TMC1: variants seen among roughly 807,000 people sequenced by gnomAD.
TMC1 encodes the protein transmembrane channel like 1, also known as transmembrane channel-like protein 1.
A neutral mutation model predicts 105.8 loss-of-function variants in TMC1; 84 were observed. The ratio of observed to expected loss-of-function variants is 0.79; its 90% confidence interval spans 0.67 to 0.95. TMC1 has a LOEUF of 0.95. Ranked by LOEUF, TMC1 falls within the 40% of genes least tolerant of loss-of-function variation. TMC1 has a pLI of 0.00. For synonymous variants in TMC1, 315 were observed against 311.5 expected, an observed-to-expected ratio of 1.01 and a Z score of -0.12; for missense variants, 817 against 914.1, an observed-to-expected ratio of 0.89 and a Z score of 1.37.
intron 8 of TMC1, among the ~76,000 whole-genome samples, chr9:72,720,358 A>G (rs1306527270): frequency 6.6e-6 from 1 of 152,232 alleles, no homozygotes; most frequent in Non-Finnish European, 1.5e-5. Flanking sequence ...TATTTAAAGC[A>G]CAGTGAGAAG....
At chr9:72,696,806 T>C (rs1826558992) in intron 7 of TMC1, among the ~76,000 whole-genome samples, 1 of 152,204 alleles carries the variant, frequency 6.6e-6, no homozygotes, top group South Asian at 2.1e-4. Flanking sequence ...CAGCATATTA[T>C]GCCTTCTTCT....
intron 23 of TMC1, among the ~76,000 whole-genome samples, chr9:72,834,256 T>G (rs1344684493): frequency 6.6e-6 from 1 of 152,210 alleles, no homozygotes; most frequent in African/African-American, 2.4e-5. Context: ...TTGTTTTGTC[T>G]TTATGAGAAT....
At chr9:72,706,965 G>A (rs1826752723) in intron 8 of TMC1, among the ~76,000 whole-genome samples, 1 of 152,000 alleles carries the variant, frequency 6.6e-6, no homozygotes, top group Non-Finnish European at 1.5e-5. Context: ...AGTAGAGATG[G>A]GGTTTTGCCA....
chr9:72,725,797 T>A (rs1274025279), intron 8 of TMC1, among the ~76,000 whole-genome samples: 3 of 152,018 alleles, frequency 2.0e-5, no homozygotes, highest in South Asian at 4.2e-4. Flanking sequence ...TTCAAGCCAT[T>A]CTCCTGCCTC....
At chr9:72,788,282 G>A in intron 13 of TMC1, 57 bp from the exon 14 acceptor site, 1 of 1,600,008 alleles carries the variant, frequency 6.2e-7, no homozygotes, top group Non-Finnish European at 8.6e-7. Context: ...ATGTTTTGTT[G>A]CTATTTCCCC....
At chr9:72,552,886 A>T (rs1214071648) in intron 1 of TMC1, among the ~76,000 whole-genome samples, 1 of 152,194 alleles carries the variant, frequency 6.6e-6, no homozygotes, top group African/African-American at 2.4e-5. Flanking sequence ...TATATATGAT[A>T]TTTATTTTTA....
intron 12 of TMC1, among the ~76,000 whole-genome samples, chr9:72,768,089 A>T (rs1564541463): frequency 6.6e-6 from 1 of 152,216 alleles, no homozygotes; most frequent in Non-Finnish European, 1.5e-5. Flanking sequence ...CCCATCAATG[A>T]TAGACTGGAT....
chr9:72,804,404 T>TA (rs984951754), intron 17 of TMC1, among the ~76,000 whole-genome samples: 21 of 152,256 alleles, frequency 1.4e-4, no homozygotes, highest in African/African-American at 4.6e-4. Flanking sequence ...ATAAAAAATT[T>TA]AAAAAAATAC....
At chr9:72,619,821 A>AT (rs1268557574) in intron 3 of TMC1, among the ~76,000 whole-genome samples, 8 of 150,614 alleles carry the variant, frequency 5.3e-5, no homozygotes, top group African/African-American at 9.7e-5. Flanking sequence ...TAATTAATTA[A>AT]TTAATTAATT....
chr9:72,556,905 T>C lies in TMC1; in HGVS notation c.-427-20997T>C, dbSNP rs140708274. 4.0e-3 allele frequency among the ~76,000 whole-genome samples: 616 copies of C among 152,234 alleles called. 3 individuals are homozygous for C. Among genetic ancestry groups the C allele is most frequent in the African/African-American group, 0.014 (585 of 41,558 alleles). ...CTCCAAGGGGACATTTGACAATGGC[T>C]GGGGACATTTTTGGTTGTCACATCT... On this transcript the variant is annotated intron_variant, in intron 1 of 23. Coordinates refer to ENST00000297784, the MANE Select transcript of TMC1 (RefSeq NM_138691.3).
chr9:72,650,326 G>A (rs370267270), intron 5 of TMC1, among the ~76,000 whole-genome samples: 3 of 152,216 alleles, frequency 2.0e-5, no homozygotes, highest in African/African-American at 4.8e-5. Context: ...GGTGTGGTTT[G>A]CATAATGTCA....
chr9:72,547,997 A>G (rs565033014), intron 1 of TMC1, among the ~76,000 whole-genome samples: 12 of 152,266 alleles, frequency 7.9e-5, no homozygotes, highest in African/African-American at 2.4e-4. Context: ...AGAACAGACC[A>G]TCTCTTGTGT....
chr9:72,627,475 A>T (rs1308832629), intron 3 of TMC1, among the ~76,000 whole-genome samples: 1 of 152,096 alleles, frequency 6.6e-6, no homozygotes, highest in Non-Finnish European at 1.5e-5. Context: ...TGGCTCCTCT[A>T]ATCCTCTCTT....
At chr9:72,714,091 T>C (rs1826881052) in intron 8 of TMC1, among the ~76,000 whole-genome samples, 1 of 152,236 alleles carries the variant, frequency 6.6e-6, no homozygotes, top group Admixed American at 6.5e-5. Flanking sequence ...AGTGAGTTTC[T>C]TAATCCTGAG....
At chr9:72,574,920 C>CGT (rs1824350526) in intron 1 of TMC1, among the ~76,000 whole-genome samples, 1 of 152,150 alleles carries the variant, frequency 6.6e-6, no homozygotes, top group Admixed American at 6.5e-5. Context: ...CCTAGAAAGT[C>CGT]AGGACCAGAG....
intron 13 of TMC1, among the ~76,000 whole-genome samples, chr9:72,787,703 A>AT (rs34225671): frequency 0.023 from 3,568 of 151,870 alleles, 69 homozygotes; most frequent in Admixed American, 0.038. Context: ...ACTGATTAAA[A>AT]ATATATATAA....
At chr9:72,630,483 T>C (rs987366193) in intron 4 of TMC1, among the ~76,000 whole-genome samples, 1 of 152,218 alleles carries the variant, frequency 6.6e-6, no homozygotes, top group African/African-American at 2.4e-5. Context: ...AGGAAAGTTA[T>C]TAGAAATATT....
intron 13 of TMC1, among the ~76,000 whole-genome samples, chr9:72,784,452 A>AT (rs1206614446): frequency 6.6e-6 from 1 of 152,194 alleles, no homozygotes; most frequent in Admixed American, 6.5e-5. Flanking sequence ...AGATGCTGGC[A>AT]TGACTGTGGA....
intron 11 of TMC1, among the ~76,000 whole-genome samples, chr9:72,753,617 C>T (rs1011638016): frequency 3.3e-5 from 5 of 152,100 alleles, no homozygotes; most frequent in Non-Finnish European, 7.4e-5. Flanking sequence ...GAGGGGCATC[C>T]TGTTTTCTGG....
Sources: allele counts gnomAD v4.1 joint callset (sites outside exome capture counted in the v4.1 genomes callset), GRCh38; gene constraint gnomAD v4.1.1; transcripts MANE v1.5; gene names NCBI Gene and HGNC (gene_info 2026-07-23, HGNC 2026-07-21).